IQSEC1: variants seen among roughly 807,000 people sequenced by gnomAD.
The protein encoded by IQSEC1 is IQ motif and SEC7 domain-containing protein 1.
In IQSEC1, 31 loss-of-function variants were observed where a neutral mutation model predicts 91.0. That is an observed-to-expected ratio of 0.34 (90% CI 0.26 to 0.46). IQSEC1 has a LOEUF of 0.46. Among genes scored for constraint, IQSEC1 ranks in the 20% least tolerant of loss-of-function variants. IQSEC1 has a pLI of 1.00. For synonymous variants in IQSEC1, 699 were observed against 662.6 expected (o/e 1.05, Z -0.84); for missense variants, 1,388 against 1,575.6 (o/e 0.88, Z 2.02).
chr3:13,154,093 G>A (rs2124966001), intron 2 of IQSEC1, among the ~76,000 whole-genome samples: 1 of 152,082 alleles, frequency 6.6e-6, no homozygotes, highest in East Asian at 1.9e-4. Context: ...TATGCATATA[G>A]AAAATCCACA....
At chr3:12,955,174 C>T (rs1288717918) in intron 1 of IQSEC1, among the ~76,000 whole-genome samples, 1 of 152,266 alleles carries the variant, frequency 6.6e-6, no homozygotes, top group Non-Finnish European at 1.5e-5. Context: ...CAGACACATG[C>T]TCACTGTGCT....
chr3:13,216,811 C>T (rs1253707776), intron 1 of IQSEC1, among the ~76,000 whole-genome samples: 1 of 152,212 alleles, frequency 6.6e-6, no homozygotes, highest in Non-Finnish European at 1.5e-5. Context: ...CTATTCTATT[C>T]ATTAGCACAT....
intron 9 of IQSEC1, among the ~76,000 whole-genome samples, chr3:12,912,355 C>T (rs1693857526): frequency 6.6e-6 from 1 of 152,208 alleles, no homozygotes; most frequent in South Asian, 2.1e-4. Flanking sequence ...TCCAGGACCT[C>T]ACTGGACCCC....
At chr3:13,058,615 C>T (rs1249182406) in intron 1 of IQSEC1, among the ~76,000 whole-genome samples, 1 of 152,120 alleles carries the variant, frequency 6.6e-6, no homozygotes, top group African/African-American at 2.4e-5. Flanking sequence ...GACCTGAAGC[C>T]TTAGTGGGGC....
At chr3:13,089,057 G>A (rs748699565) in intron 2 of IQSEC1, among the ~76,000 whole-genome samples, 2 of 152,236 alleles carry the variant, frequency 1.3e-5, no homozygotes, top group South Asian at 4.1e-4. Context: ...GTGTGTAACC[G>A]CTGGACATAT....
intron 1 of IQSEC1, among the ~76,000 whole-genome samples, chr3:13,258,109 G>A (rs112480705): frequency 7.2e-5 from 11 of 152,328 alleles, no homozygotes; most frequent in African/African-American, 2.4e-4. Flanking sequence ...AGGATTTTGC[G>A]GGGGGCGGGG....
rs1696708639 is a variant in IQSEC1, at chr3:12,922,326, G to A, written c.1731-84C>T. ...CCACCCCCAGGTGGTGGTGCCTGAA[G>A]CCCTGGGAATGGACCGCCTCCTGGC... is the stretch of plus-strand genomic sequence containing the variant. On this transcript the variant is annotated intron_variant, in intron 4 of 13. Coordinates refer to ENST00000613206, the MANE Select transcript of IQSEC1 (RefSeq NM_001134382.3). The surrounding 1 kb of genome is among the most constrained non-coding windows in gnomAD (Gnocchi z 5.1). 4 of 1,437,116 alleles carry A rather than the reference G, an allele frequency of 2.8e-6. No homozygotes were observed. Among genetic ancestry groups the A allele is most frequent in the Non-Finnish European group, 3.7e-6 (4 of 1,082,830 alleles). The allele number at this position is 1,437,116 out of a possible 1,614,324, so 89.0% of individuals were successfully genotyped here. A position where few individuals can be genotyped will look rare whatever the true frequency, so the allele number is the denominator to read the frequency against.
At chr3:13,055,793 G>T (rs1704854188) in intron 1 of IQSEC1, among the ~76,000 whole-genome samples, 1 of 152,184 alleles carries the variant, frequency 6.6e-6, no homozygotes, top group African/African-American at 2.4e-5. Context: ...CAAGGGGCCA[G>T]CAAGGACAAA....
intron 2 of IQSEC1, among the ~76,000 whole-genome samples, chr3:13,105,708 T>A (rs1559256127): frequency 6.6e-6 from 1 of 152,018 alleles, no homozygotes; most frequent in Non-Finnish European, 1.5e-5. Context: ...GACTGACCAG[T>A]GAAAGACTGC....
At chr3:13,030,149 G>C (rs984859985) in intron 1 of IQSEC1, among the ~76,000 whole-genome samples, 4 of 152,208 alleles carry the variant, frequency 2.6e-5, no homozygotes, top group Admixed American at 2.0e-4. Flanking sequence ...CCAAGTTGGA[G>C]TGCAGTGGTG....
intron 1 of IQSEC1, among the ~76,000 whole-genome samples, chr3:13,022,829 A>C (rs360851): frequency 6.6e-6 from 1 of 152,134 alleles, no homozygotes; most frequent in Non-Finnish European, 1.5e-5. Context: ...TTGGCCCTCC[A>C]AGGGTCTCCA....
At chr3:12,974,510 A>C (rs1701062854) in intron 1 of IQSEC1, among the ~76,000 whole-genome samples, 1 of 152,194 alleles carries the variant, frequency 6.6e-6, no homozygotes, top group East Asian at 1.9e-4. Flanking sequence ...AGGGCCCGCG[A>C]AGAACAGTCC....
In IQSEC1 at chr3:13,117,569, C is replaced by CAAAAA. The variant is rs34002295; in HGVS notation, c.302+46530_302+46534dup. 1.3e-3 allele frequency among the ~76,000 whole-genome samples: 12 copies of CAAAAA among 9,462 alleles called. 1 individual carries two copies. The highest frequency in any genetic ancestry group is 3.8e-3 in the African/African-American group (9 of 2,352). 6.2% of individuals were successfully genotyped at this position (9,462 alleles called of 152,430 possible). Reference sequence around the variant, plus strand: ...CTGGTGACAGAGCAAGACTCCGTCTCAAAAAAAAAAAAAAAAAAAAAAAAA... The same window carrying CAAAAA: ...CTGGTGACAGAGCAAGACTCCGTCTCAAAAAAAAAAAAAAAAAAAAAAAAAAAAAA... On this transcript the variant is annotated intron_variant, in intron 2 of 15. Coordinates refer to the IQSEC1 transcript ENST00000648114.
chr3:13,267,551 T>C (rs1410863666), intron 1 of IQSEC1, among the ~76,000 whole-genome samples: 1 of 152,112 alleles, frequency 6.6e-6, no homozygotes, highest in African/African-American at 2.4e-5. Flanking sequence ...AAAACGGAGA[T>C]TAAACAAGTC....
intron 1 of IQSEC1, among the ~76,000 whole-genome samples, chr3:13,226,792 C>G (rs914727005): frequency 6.6e-6 from 1 of 152,112 alleles, no homozygotes; most frequent in Non-Finnish European, 1.5e-5. Context: ...AATATACAAA[C>G]TCAGGTTTAG....
intron 1 of IQSEC1, among the ~76,000 whole-genome samples, chr3:13,240,571 G>A (rs1695004909): frequency 6.6e-6 from 1 of 152,200 alleles, no homozygotes; most frequent in South Asian, 2.1e-4. Flanking sequence ...CCAGTTGGTA[G>A]AGGGTCTCAC....
At position 12,935,735 on chromosome 3, in the gene IQSEC1, G is replaced by A; in HGVS notation, c.1281C>T (p.Pro427=). The A allele has an allele frequency of 6.2e-7, 1 of 1,611,350 alleles. No homozygotes were observed. Among genetic ancestry groups the A allele is most frequent in the Non-Finnish European group, 8.5e-7 (1 of 1,179,884 alleles). ...PREEPELRPR[P]PRPLDSHLAI... ...CCAAGTGGCTGTCCAGGGGCCTGGG[G>A]GGCCGGGGCCGCAACTCAGGCTCCT... is the stretch of plus-strand genomic sequence containing the variant. Residue 427 remains proline (P), a synonymous_variant, in exon 3 of 14, where the codon CCC becomes CCT. Coordinates refer to ENST00000613206, the MANE Select transcript of IQSEC1 (RefSeq NM_001134382.3). The surrounding 1 kb of genome is among the most constrained non-coding windows in gnomAD (Gnocchi z 8.0).
chr3:13,109,936 G>A (rs1294210428), intron 2 of IQSEC1, among the ~76,000 whole-genome samples: 5 of 143,308 alleles, frequency 3.5e-5, no homozygotes, highest in Admixed American at 7.1e-5. Flanking sequence ...AGGCTTGAGT[G>A]CAGTGGCGTG....
chr3:12,945,847 G>C (rs540526700), intron 1 of IQSEC1, among the ~76,000 whole-genome samples: 3 of 152,188 alleles, frequency 2.0e-5, no homozygotes, highest in Non-Finnish European at 4.4e-5. Flanking sequence ...TGCAGCCATG[G>C]GCACTCTAGG....
Sources: gnomAD v4.1 joint callset for allele counts (sites outside exome capture counted in the v4.1 genomes callset) on GRCh38, gnomAD v4.1.1 for gene constraint, Gnocchi (gnomAD v3.1) non-coding constraint, MANE v1.5 for transcripts, NCBI Gene and HGNC (gene_info 2026-07-23, HGNC 2026-07-21) for gene names.